Variants in BICRA observed in about 807,000 individuals in gnomAD.
BICRA encodes the protein BRD4 interacting chromatin remodeling complex associated protein.
A neutral mutation model predicts 96.9 loss-of-function variants in BICRA; 31 were observed. The ratio of observed to expected loss-of-function variants is 0.32; its 90% CI spans 0.24 to 0.43. BICRA has a LOEUF of 0.43. BICRA is among the 20% of genes least tolerant of loss of function. The probability of loss-of-function intolerance (pLI) is 1.00; values close to 1 mark genes in which losing one functional copy is unlikely to be tolerated. For missense variants in BICRA, 2,283 were observed against 2,190.3 expected (o/e 1.04, Z -0.84); for synonymous variants, 1,350 against 1,071.8 (o/e 1.26, Z -5.07).
At chr19:47,683,575 G>A (rs1201767065) in intron 7 of BICRA, among the ~76,000 whole-genome samples, 1 of 146,068 alleles carries the variant, frequency 6.8e-6, no homozygotes, top group Admixed American at 7.2e-5. Flanking sequence ...TAACAGGTTA[G>A]GGAGGGCTAC....
At chr19:47,644,233 G>T (rs867738107) in intron 1 of BICRA, among the ~76,000 whole-genome samples, 9 of 151,690 alleles carry the variant, frequency 5.9e-5, no homozygotes, top group African/African-American at 1.9e-4. Context: ...GCCCAGGTTG[G>T]TCTCAAACTC....
Position 47,694,634 on chromosome 19 carries a change from C to G in BICRA, c.2803C>G (p.Pro935Ala). The change falls in exon 8 of 15, where the codon CCC (proline) becomes GCC (alanine). Residue 935 changes from proline to alanine, a missense_variant. Pro to Ala is a conservative substitution (Grantham distance 27). Coordinates refer to ENST00000594866, the MANE Select transcript of BICRA (RefSeq NM_001394372.1). ...CCACCTGGTCCCTGAGCCGGCAGCA[C>G]CCCCCCCACCGCCTCCTCGGACCTT... ...TLHLVPEPAA[P>A]PPPPPRTFQM... 6.7e-7 allele frequency: 1 copy of G among 1,486,486 alleles called. No homozygotes were observed. The highest frequency in any genetic ancestry group is 9.4e-7 in the Non-Finnish European group (1 of 1,068,828). 92.1% of individuals were successfully genotyped at this position (1,486,486 alleles called of 1,614,324 possible). A position where few individuals can be genotyped will look rare whatever the true frequency, so the allele number is the denominator to read the frequency against.
chr19:47,612,986 G>T lies in BICRA; in HGVS notation c.-108+3818G>T, dbSNP rs559624025. 2.6e-5 allele frequency among the ~76,000 whole-genome samples: 4 copies of T among 152,280 alleles called. No homozygotes were observed. In the East Asian group the frequency reaches 7.8e-4, roughly 30 times the overall value. ...TGGGCAGGAGGAGAGGGGCTGTGGG[G>T]ACACCCAGATCTCTCAAGATTGAGT... On this transcript the variant is annotated intron_variant, in intron 1 of 14. Coordinates refer to ENST00000594866, the MANE Select transcript of BICRA (RefSeq NM_001394372.1).
intron 1 of BICRA, among the ~76,000 whole-genome samples, chr19:47,640,712 A>C (rs1972371847): frequency 6.6e-6 from 1 of 151,764 alleles, no homozygotes; most frequent in Non-Finnish European, 1.5e-5. Flanking sequence ...GTGACATTTG[A>C]ACAAAGACCT....
chr19:47,692,161 A>T (rs1271958551), intron 7 of BICRA, among the ~76,000 whole-genome samples: 1 of 151,442 alleles, frequency 6.6e-6, no homozygotes, highest in African/African-American at 2.4e-5. Context: ...TGGCCATTTG[A>T]GTCATTTCTC....
At chr19:47,695,285 C>T (rs993874485) in intron 9 of BICRA, 80 bp from the exon 10 acceptor site, 3 of 805,210 alleles carry the variant, frequency 3.7e-6, no homozygotes, top group Admixed American at 2.1e-5. Context: ...CGGTGGGGTA[C>T]AGGATGGGGC....
intron 11 of BICRA, among the ~76,000 whole-genome samples, chr19:47,697,078 C>T (rs1431138125): frequency 5.3e-5 from 8 of 152,074 alleles, no homozygotes; most frequent in African/African-American, 1.9e-4. Context: ...ACAATATTGG[C>T]TCACTGCAAC....
At chr19:47,616,775 GCT>G (rs1971991163) in intron 1 of BICRA, among the ~76,000 whole-genome samples, 1 of 151,950 alleles carries the variant, frequency 6.6e-6, no homozygotes, top group African/African-American at 2.4e-5. Flanking sequence ...ATAGGACCTG[GCT>G]CTCAGGAATG....
intron 1 of BICRA, among the ~76,000 whole-genome samples, chr19:47,646,502 G>A (rs1364796660): frequency 6.6e-6 from 1 of 152,182 alleles, no homozygotes; most frequent in African/African-American, 2.4e-5. Context: ...TCTCCCATGT[G>A]TTTTACTTTT....
intron 7 of BICRA, among the ~76,000 whole-genome samples, chr19:47,692,657 G>A (rs528243094): frequency 2.0e-5 from 3 of 152,310 alleles, no homozygotes; most frequent in Admixed American, 6.5e-5. Flanking sequence ...CAAGGACTGC[G>A]CCTCTCATCT....
Position 47,699,002 on chromosome 19 carries a change from G to A in BICRA, c.3435G>A (p.Leu1145=). 1 of 1,588,154 alleles carries A rather than the reference G, an allele frequency of 6.3e-7. No homozygotes were observed. Among genetic ancestry groups the A allele is most frequent in the Non-Finnish European group, 8.6e-7 (1 of 1,167,928 alleles). The part of the protein sequence containing the change: ...EEFETVSTQL[L]KRTQAMLNKY... The stretch of plus-strand genomic sequence containing the variant: ...TTGAGACGGTCTCCACGCAGCTGCT[G>A]AAACGCACCCAGGCCATGCTCAATA... The change falls in exon 13 of 15, where the codon CTG becomes CTA. Residue 1145 remains leucine, a synonymous_variant. Transcript: ENST00000594866. This position sits in a 1 kb window ranked among gnomAD's most constrained non-coding sequence, Gnocchi z 5.0.
chr19:47,651,422 T>A (rs1181443322), intron 1 of BICRA, among the ~76,000 whole-genome samples: 4 of 152,014 alleles, frequency 2.6e-5, no homozygotes, highest in Non-Finnish European at 5.9e-5. Context: ...ACATTGCTGC[T>A]CCCCTTACCT....
chr19:47,661,743 G>A (rs1376935693), intron 1 of BICRA: 1 of 152,322 alleles, frequency 6.6e-6, no homozygotes, highest in Non-Finnish European at 1.5e-5. Context: ...TGGGAGGTGG[G>A]ATGGATAAAA....
chr19:47,679,882 G>A lies in BICRA; in HGVS notation c.712G>A (p.Val238Met), dbSNP rs747645555. ...ACTGGGCCTGGCGCCCATCCAGGTGGTGGGCCAGCCCGTCATGGCGCTCAA... is the reference window on the plus strand; with the variant it reads ...ACTGGGCCTGGCGCCCATCCAGGTGATGGGCCAGCCCGTCATGGCGCTCAA... The part of the protein sequence containing the change: ...ATLGLAPIQV[V>M]GQPVMALNTP... The change falls in exon 6 of 15, where the codon GTG (valine) becomes ATG (methionine). Residue 238 changes from valine to methionine, a missense_variant. Val to Met is a conservative substitution (Grantham distance 21). Transcript: ENST00000594866. The A allele has an allele frequency of 2.6e-6, 4 of 1,518,900 alleles. No individual in the cohort carries two copies. The highest frequency in any genetic ancestry group is 3.5e-6 in the Non-Finnish European group (4 of 1,139,512). The allele number at this position is 1,518,900 out of a possible 1,614,324, so 94.1% of individuals were successfully genotyped here. A position where few individuals can be genotyped will look rare whatever the true frequency, so the allele number is the denominator to read the frequency against.
chr19:47,653,127 G>A (rs1429392466), intron 1 of BICRA, among the ~76,000 whole-genome samples: 1 of 149,004 alleles, frequency 6.7e-6, no homozygotes, highest in Non-Finnish European at 1.5e-5. Context: ...TGGCTCAAGC[G>A]ATCCTCCGAC....
chr19:47,657,471 A>G (rs1397414677), intron 1 of BICRA, among the ~76,000 whole-genome samples: 1 of 149,774 alleles, frequency 6.7e-6, no homozygotes, highest in Non-Finnish European at 1.5e-5. Context: ...ATTTCGGCTC[A>G]CTGCAAGCTC....
At chr19:47,625,061 G>T (rs777911824) in intron 1 of BICRA, among the ~76,000 whole-genome samples, 71 of 136,816 alleles carry the variant, frequency 5.2e-4, no homozygotes, top group African/African-American at 1.8e-3. Flanking sequence ...GTGCAGTGAC[G>T]TGATCTCAGC....
chr19:47,700,310 G>A (rs1257428997), intron 14 of BICRA: 1 of 152,144 alleles, frequency 6.6e-6, no homozygotes, highest in Non-Finnish European at 1.5e-5. Flanking sequence ...GAAAGGCAAT[G>A]AGCTCACTCC....
At position 47,680,827 on chromosome 19, in the gene BICRA, G is replaced by T. The variant is rs770884738; in HGVS notation, c.1657G>T (p.Ala553Ser). 1 of 1,601,426 alleles carries T rather than the reference G, an allele frequency of 6.2e-7. No individual in the cohort carries two copies. Among genetic ancestry groups the T allele is most frequent in the Non-Finnish European group, 8.5e-7 (1 of 1,177,298 alleles). The change falls in exon 6 of 15, where the codon GCG (alanine) becomes TCG (serine). Residue 553 changes from alanine to serine, a missense_variant. By Grantham distance (99) the Ala-to-Ser change is moderately conservative. Coordinates refer to ENST00000594866, the MANE Select transcript of BICRA (RefSeq NM_001394372.1). ...SAAPIQVGQP[A>S]LFQMPVSLAA... is the part of the protein sequence containing the mutation. ...CGCTCCCATCCAGGTGGGCCAGCCT[G>T]CGCTCTTCCAGATGCCCGTGTCGCT...
Sources: allele counts gnomAD v4.1 joint callset (sites outside exome capture counted in the v4.1 genomes callset), GRCh38; gene constraint gnomAD v4.1.1; non-coding constraint Gnocchi (gnomAD v3.1); transcripts MANE v1.5; gene names NCBI Gene and HGNC (gene_info 2026-07-23, HGNC 2026-07-21).